The following KIZ variants were observed in gnomAD, a reference collection of about 807,000 sequenced individuals.
KIZ encodes centrosomal protein kizuna.
KIZ carries 68 observed loss-of-function variants against 79.6 expected under a neutral mutation model. The ratio of observed to expected loss-of-function variants is 0.85; its 90% CI spans 0.70 to 1.05. The LOEUF is 1.05. KIZ is among the 50% of genes least tolerant of loss of function. KIZ has a pLI of 0.00. For missense variants in KIZ, 797 were observed against 800.4 expected (o/e 1.00, Z 0.05); for synonymous variants, 280 against 281.8 (o/e 0.99, Z 0.06).
intron 6 of KIZ, among the ~76,000 whole-genome samples, chr20:21,172,891 C>T (rs568735202): frequency 2.0e-5 from 3 of 152,208 alleles, no homozygotes; most frequent in South Asian, 4.1e-4. Flanking sequence ...TGGGATATGT[C>T]TTGAGAAAGA....
intron 6 of KIZ, among the ~76,000 whole-genome samples, chr20:21,165,313 G>A (rs1224097565): frequency 2.0e-5 from 3 of 151,578 alleles, no homozygotes; most frequent in Non-Finnish European, 4.4e-5. Flanking sequence ...AGCAAATAGG[G>A]TCTGGAGGAA....
intron 9 of KIZ, among the ~76,000 whole-genome samples, chr20:21,219,296 C>A (rs958761990): frequency 1.3e-5 from 2 of 152,106 alleles, no homozygotes; most frequent in African/African-American, 4.8e-5. Flanking sequence ...GTGCTTGAAC[C>A]ATGGCAGGAA....
chr20:21,128,277 T>G (rs886275738), intron 1 of KIZ, among the ~76,000 whole-genome samples: 1 of 152,196 alleles, frequency 6.6e-6, no homozygotes, highest in Non-Finnish European at 1.5e-5. Context: ...CCTTCCAAAG[T>G]GTTGGGATTA....
chr20:21,188,747 T>A (rs1382162854), intron 6 of KIZ, among the ~76,000 whole-genome samples: 2 of 151,860 alleles, frequency 1.3e-5, no homozygotes, highest in Non-Finnish European at 2.9e-5. Context: ...TCACCCAGGC[T>A]GGAGTGCAGT....
intron 6 of KIZ, chr20:21,166,374 A>T (rs925607121): frequency 6.3e-7 from 1 of 1,599,894 alleles, no homozygotes; most frequent in Non-Finnish European, 8.5e-7. Flanking sequence ...TCTGGAGCTG[A>T]TCACTCCACA....
chr20:21,159,240 A>G (rs915540853), intron 4 of KIZ, among the ~76,000 whole-genome samples: 2 of 151,982 alleles, frequency 1.3e-5, no homozygotes, highest in African/African-American at 4.8e-5. Flanking sequence ...GCTGGTCTCA[A>G]GTTCCTGGGC....
At chr20:21,208,246 A>T (rs556894902) in intron 7 of KIZ, among the ~76,000 whole-genome samples, 1 of 152,244 alleles carries the variant, frequency 6.6e-6, no homozygotes, top group South Asian at 2.1e-4. Flanking sequence ...CAATCTACTC[A>T]ATTTTTCCAA....
At chr20:21,224,614 G>A (rs1271189750) in intron 9 of KIZ, among the ~76,000 whole-genome samples, 1 of 152,184 alleles carries the variant, frequency 6.6e-6, no homozygotes, top group East Asian at 1.9e-4. Flanking sequence ...TGTAGTGATA[G>A]TATTGTTTGC....
chr20:21,161,720 G>T (rs2033667241), intron 4 of KIZ, 151 bp from the exon 5 acceptor site: 11 of 565,280 alleles, frequency 1.9e-5, no homozygotes, highest in Non-Finnish European at 3.1e-5. Flanking sequence ...CATTCATTAT[G>T]TAGGAAGCCA....
intron 6 of KIZ, 75 bp downstream of exon 6, chr20:21,163,234 A>C: frequency 9.8e-7 from 1 of 1,018,358 alleles, no homozygotes; most frequent in Non-Finnish European, 1.5e-6. Context: ...TCCACTGGGA[A>C]TGTATTATCG....
chr20:21,158,423 C>G (rs1488706840), intron 4 of KIZ: 1 of 152,160 alleles, frequency 6.6e-6, no homozygotes, highest in Non-Finnish European at 1.5e-5. Flanking sequence ...TGCAGAGAGA[C>G]ATACACTCAG....
chr20:21,220,927 G>A (rs2036483164), intron 9 of KIZ, among the ~76,000 whole-genome samples: 1 of 152,280 alleles, frequency 6.6e-6, no homozygotes, highest in African/African-American at 2.4e-5. Flanking sequence ...CCTTTCTCTT[G>A]GGTTAGGCCT....
In KIZ at chr20:21,151,990, C is replaced by A. The variant is rs16982518; in HGVS notation, c.405+6336C>A. Among the ~76,000 whole-genome samples, 175 of 152,220 alleles carry A rather than the reference C, an allele frequency of 1.1e-3. 1 individual carries two copies. Among genetic ancestry groups the A allele is most frequent in the African/African-American group, 4.1e-3 (170 of 41,538 alleles). ...TCATGATCAAGTATTCTGCATATGG[C>A]GCCCAGAATCCAGTGCATTCCTCAT... is the stretch of plus-strand genomic sequence containing the variant. On this transcript the variant is annotated intron_variant, in intron 4 of 12. Coordinates refer to ENST00000619189, the MANE Select transcript of KIZ (RefSeq NM_018474.6).
At chr20:21,211,537 C>T (rs1421902959) in intron 7 of KIZ, among the ~76,000 whole-genome samples, 1 of 152,182 alleles carries the variant, frequency 6.6e-6, no homozygotes, top group Non-Finnish European at 1.5e-5. Context: ...TAAGCACTAT[C>T]AGAAAGCCTG....
chr20:21,139,229 A>T (rs2032379096), intron 3 of KIZ, among the ~76,000 whole-genome samples: 1 of 151,844 alleles, frequency 6.6e-6, no homozygotes. Flanking sequence ...TTTTGACATA[A>T]CCCCGTTAAT....
chr20:21,131,680 T>C (rs2031854411), intron 1 of KIZ, among the ~76,000 whole-genome samples: 1 of 152,134 alleles, frequency 6.6e-6, no homozygotes, highest in Admixed American at 6.5e-5. Flanking sequence ...AGGGCAGGAG[T>C]CTTGGCTGGC....
chr20:21,159,931 A>G (rs2033576240), intron 4 of KIZ, among the ~76,000 whole-genome samples: 1 of 152,196 alleles, frequency 6.6e-6, no homozygotes, highest in South Asian at 2.1e-4. Flanking sequence ...AGGAGCTGCC[A>G]AACTCTTCTA....
intron 9 of KIZ, among the ~76,000 whole-genome samples, chr20:21,226,451 T>C (rs540528816): frequency 2.6e-5 from 4 of 152,360 alleles, no homozygotes; most frequent in South Asian, 2.1e-4. Flanking sequence ...CCAACCCTTA[T>C]TAATTTTGTT....
At chr20:21,174,990 T>G (rs534781969) in intron 6 of KIZ, among the ~76,000 whole-genome samples, 1 of 152,372 alleles carries the variant, frequency 6.6e-6, no homozygotes, top group East Asian at 1.9e-4. Context: ...TGCCTTCAGA[T>G]GTCTGTTCTC....
Sources: gnomAD v4.1 joint callset for allele counts (sites outside exome capture counted in the v4.1 genomes callset) on GRCh38, gnomAD v4.1.1 for gene constraint, MANE v1.5 for transcripts, NCBI Gene and HGNC (gene_info 2026-07-23, HGNC 2026-07-21) for gene names.